SHISA9: variants seen among roughly 807,000 people sequenced by gnomAD.
The protein encoded by SHISA9 is protein shisa-9.
Under a neutral mutation model 38.0 loss-of-function variants are expected in SHISA9, and 13 were observed. The observed-to-expected ratio is 0.34, with a 90% CI of 0.22 to 0.54. The LOEUF (loss-of-function observed/expected upper bound fraction) is 0.54. Among genes scored for constraint, SHISA9 ranks in the 20% least tolerant of loss-of-function variants. The pLI is 0.91. For missense variants in SHISA9, 538 were observed against 575.8 expected, an observed-to-expected ratio of 0.93 and a Z score of 0.67; for synonymous variants, 275 against 242.0, an observed-to-expected ratio of 1.14 and a Z score of -1.27.
the SHISA9 span, among the ~76,000 whole-genome samples, chr16:13,560,248 T>G: frequency 1.3e-5 from 2 of 152,210 alleles, no homozygotes; most frequent in Admixed American, 1.3e-4. Context: ...AGAGCTTCTA[T>G]GGTCCAGCAC....
At chr16:13,555,717 G>A in the SHISA9 span, among the ~76,000 whole-genome samples, 3 of 152,092 alleles carry the variant, frequency 2.0e-5, no homozygotes, top group African/African-American at 7.2e-5. Context: ...TGAGCTTTAA[G>A]GCTACCTACT....
chr16:13,084,629 A>G (rs985576678), intron 2 of SHISA9, among the ~76,000 whole-genome samples: 3 of 152,198 alleles, frequency 2.0e-5, no homozygotes, highest in African/African-American at 7.2e-5. Context: ...ACTACCCTTC[A>G]TGGGATTTAA....
the SHISA9 span, among the ~76,000 whole-genome samples, chr16:13,299,627 T>A: frequency 1.3e-3 from 192 of 151,924 alleles, 1 homozygote; most frequent in African/African-American, 4.5e-3. Flanking sequence ...GGCAGGAGAA[T>A]TGCTTGAACT....
the SHISA9 span, among the ~76,000 whole-genome samples, chr16:13,370,717 T>C: frequency 6.6e-6 from 1 of 152,192 alleles, no homozygotes; most frequent in African/African-American, 2.4e-5. Context: ...AGGGAGTGTT[T>C]GGTTAGTGCT....
At chr16:13,448,666 C>T in the SHISA9 span, among the ~76,000 whole-genome samples, 1 of 152,192 alleles carries the variant, frequency 6.6e-6, no homozygotes, top group African/African-American at 2.4e-5. Flanking sequence ...TTTCTGAGGT[C>T]GCCTATTCAG....
chr16:12,964,132 G>T (rs764263733), intron 2 of SHISA9, among the ~76,000 whole-genome samples: 80 of 152,334 alleles, frequency 5.3e-4, no homozygotes, highest in Non-Finnish European at 1.0e-3. Flanking sequence ...TTAAGAATCA[G>T]TGCATTGCCA....
intron 2 of SHISA9, among the ~76,000 whole-genome samples, chr16:13,062,460 C>A (rs576160383): frequency 6.6e-6 from 1 of 152,256 alleles, no homozygotes; most frequent in African/African-American, 2.4e-5. Flanking sequence ...CTGTGTCTTA[C>A]CTGCCACAAC....
chr16:13,517,108 A>G, the SHISA9 span, among the ~76,000 whole-genome samples: 1 of 152,218 alleles, frequency 6.6e-6, no homozygotes, highest in African/African-American at 2.4e-5. Context: ...AGTAGCTGGT[A>G]TCTTTCTAAG....
the SHISA9 span, among the ~76,000 whole-genome samples, chr16:13,495,967 G>A: frequency 6.6e-6 from 1 of 152,004 alleles, no homozygotes; most frequent in East Asian, 1.9e-4. Flanking sequence ...CCACTAGCTG[G>A]TGTTTCTAAA....
At chr16:13,169,328 A>T (rs2050665422) in intron 2 of SHISA9, among the ~76,000 whole-genome samples, 1 of 152,220 alleles carries the variant, frequency 6.6e-6, no homozygotes, top group African/African-American at 2.4e-5. Flanking sequence ...AAGCTTCAGG[A>T]AGACAGATGC....
At chr16:13,035,243 C>T (rs1443272235) in intron 2 of SHISA9, among the ~76,000 whole-genome samples, 1 of 152,130 alleles carries the variant, frequency 6.6e-6, no homozygotes, top group Non-Finnish European at 1.5e-5. Context: ...TTCCTGATGA[C>T]ACATTTAGGT....
chr16:13,282,330 G>C, the SHISA9 span, among the ~76,000 whole-genome samples: 2 of 151,584 alleles, frequency 1.3e-5, no homozygotes. Context: ...TTTTGTTATT[G>C]TTTCTGGCCT....
chr16:12,995,076 T>G (rs779196813), intron 2 of SHISA9, among the ~76,000 whole-genome samples: 2 of 152,086 alleles, frequency 1.3e-5, no homozygotes, highest in Non-Finnish European at 1.5e-5. Flanking sequence ...AATTAATTAA[T>G]TTTTTTAAAC....
chr16:13,113,002 A>G (rs113202232), intron 2 of SHISA9, among the ~76,000 whole-genome samples: 11,545 of 151,828 alleles, frequency 0.076, 607 homozygotes, highest in Admixed American at 0.15. Flanking sequence ...TTGACGTCAG[A>G]GGTTTGAAAC....
At chr16:12,932,423 C>T (rs1416029644) in intron 2 of SHISA9, among the ~76,000 whole-genome samples, 1 of 152,104 alleles carries the variant, frequency 6.6e-6, no homozygotes, top group African/African-American at 2.4e-5. Flanking sequence ...CTCACTGCAA[C>T]CTCTGCCTCC....
At chr16:13,079,957 C>G (rs1215260301) in intron 2 of SHISA9, among the ~76,000 whole-genome samples, 1 of 152,134 alleles carries the variant, frequency 6.6e-6, no homozygotes, top group Non-Finnish European at 1.5e-5. Flanking sequence ...AGAAACCAAC[C>G]TTTCCTAGCA....
At chr16:13,142,176 C>A (rs372439950) in intron 2 of SHISA9, among the ~76,000 whole-genome samples, 1 of 152,150 alleles carries the variant, frequency 6.6e-6, no homozygotes, top group Admixed American at 6.5e-5. Flanking sequence ...CTCTTGTCTA[C>A]GTGTGGACTG....
At chr16:12,908,517 C>A (rs966863403) in intron 1 of SHISA9, 7 of 1,552,186 alleles carry the variant, frequency 4.5e-6, no homozygotes, top group Non-Finnish European at 6.1e-6. Context: ...GCACAGATTT[C>A]TTTCCAAGAG....
At position 13,086,019 on chromosome 16, in the gene SHISA9, C is replaced by A. The variant is rs143987549; in HGVS notation, c.692-117375C>A. Among the ~76,000 whole-genome samples, 937 of 151,846 alleles carry A rather than the reference C, an allele frequency of 6.2e-3. 10 individuals are homozygous for A. Among genetic ancestry groups the A allele is most frequent in the African/African-American group, 0.021 (887 of 41,420 alleles). On this transcript the variant is annotated intron_variant, in intron 2 of 4. Coordinates refer to ENST00000558583, the MANE Select transcript of SHISA9 (RefSeq NM_001145204.3). ...CAAGAGTATTGTTTAAAGAAAAAAA[C>A]AGGAAGATTGTTTTTAAAGCTAACT...
Sources: gnomAD v4.1 joint callset for allele counts (sites outside exome capture counted in the v4.1 genomes callset) on GRCh38, gnomAD v4.1.1 for gene constraint, MANE v1.5 for transcripts, NCBI Gene and HGNC (gene_info 2026-07-23, HGNC 2026-07-21) for gene names.